Variants in DLG2 observed in about 807,000 individuals in gnomAD.
DLG2 encodes the protein disks large homolog 2.
In DLG2, 45 loss-of-function variants were observed where a neutral mutation model predicts 132.5. That is an observed-to-expected ratio of 0.34 (90% CI 0.27 to 0.44). The LOEUF (loss-of-function observed/expected upper bound fraction) is 0.44. Ranked by LOEUF, DLG2 falls within the 20% of genes least tolerant of loss-of-function variation. The probability of loss-of-function intolerance (pLI) is 1.00; values close to 1 mark genes in which losing one functional copy is unlikely to be tolerated. For missense variants in DLG2, 1,045 were observed against 1,196.9 expected (o/e 0.87, Z 1.87); for synonymous variants, 424 against 419.6 (o/e 1.01, Z -0.13).
chr11:84,523,522 T>A (rs957938390), intron 7 of DLG2, among the ~76,000 whole-genome samples: 1 of 152,200 alleles, frequency 6.6e-6, no homozygotes, highest in Admixed American at 6.5e-5. Context: ...TTTCCGATTA[T>A]CTTTGCTAAG....
At chr11:84,317,420 A>C in intron 7 of DLG2, 3 of 1,236,452 alleles carry the variant, frequency 2.4e-6, no homozygotes, top group Admixed American at 3.7e-5. Context: ...GAAGCAATCA[A>C]TGCTCCACAC....
intron 6 of DLG2, among the ~76,000 whole-genome samples, chr11:84,901,610 T>A (rs1244789989): frequency 6.6e-6 from 1 of 152,128 alleles, no homozygotes; most frequent in African/African-American, 2.4e-5. Context: ...TCTTTCAGAA[T>A]AAGAGAGTTA....
intron 18 of DLG2, among the ~76,000 whole-genome samples, chr11:83,735,052 G>C (rs2091712935): frequency 6.6e-6 from 1 of 151,934 alleles, no homozygotes; most frequent in African/African-American, 2.4e-5. Flanking sequence ...TGACATAAGT[G>C]GTGGCTTTGT....
chr11:83,811,851 G>C (rs1411332517), intron 17 of DLG2, among the ~76,000 whole-genome samples: 2 of 152,124 alleles, frequency 1.3e-5, no homozygotes, highest in Non-Finnish European at 2.9e-5. Context: ...GAGGAAACTA[G>C]TATAACAGAG....
intron 6 of DLG2, among the ~76,000 whole-genome samples, chr11:84,718,515 T>C (rs1205890970): frequency 2.0e-5 from 3 of 152,170 alleles, no homozygotes; most frequent in Admixed American, 1.3e-4. Context: ...AGAAACTTGT[T>C]TGTAAATGAA....
chr11:84,057,177 G>A (rs754811591), intron 11 of DLG2, among the ~76,000 whole-genome samples: 1 of 152,118 alleles, frequency 6.6e-6, no homozygotes, highest in Non-Finnish European at 1.5e-5. Flanking sequence ...ACCAGCTGGA[G>A]CCCCAGTGTC....
At chr11:84,770,357 A>G (rs2069109697) in intron 6 of DLG2, among the ~76,000 whole-genome samples, 1 of 152,128 alleles carries the variant, frequency 6.6e-6, no homozygotes, top group Non-Finnish European at 1.5e-5. Context: ...GGTTTGTTAT[A>G]TAGGTAAACT....
intron 11 of DLG2, among the ~76,000 whole-genome samples, chr11:83,998,633 C>T (rs2094174941): frequency 6.6e-6 from 1 of 152,086 alleles, no homozygotes; most frequent in Admixed American, 6.6e-5. Flanking sequence ...ATGGGAGAAC[C>T]CCTCAACTCT....
chr11:84,866,949 T>C (rs2084663513), intron 6 of DLG2, among the ~76,000 whole-genome samples: 1 of 152,236 alleles, frequency 6.6e-6, no homozygotes, highest in African/African-American at 2.4e-5. Context: ...GCAGGGGCCA[T>C]AGTTGTATTT....
chr11:85,274,103 G>A (rs556710567), intron 4 of DLG2, among the ~76,000 whole-genome samples: 67 of 110,196 alleles, frequency 6.1e-4, no homozygotes, highest in East Asian at 4.1e-3. Flanking sequence ...TGCGGCTGTC[G>A]TGGGGTGGGT....
chr11:85,262,918 A>G (rs1395379387), intron 4 of DLG2, among the ~76,000 whole-genome samples: 1 of 152,150 alleles, frequency 6.6e-6, no homozygotes, highest in Non-Finnish European at 1.5e-5. Flanking sequence ...TCTTTTTGAG[A>G]GTCTGAGAGT....
At chr11:84,866,392 T>C (rs1352538681) in intron 6 of DLG2, among the ~76,000 whole-genome samples, 3 of 152,210 alleles carry the variant, frequency 2.0e-5, no homozygotes, top group Admixed American at 6.5e-5. Context: ...AAAAAGCTTG[T>C]AGTAAGATTT....
At chr11:85,282,414 A>G (rs1030848990) in intron 4 of DLG2, among the ~76,000 whole-genome samples, 2 of 152,014 alleles carry the variant, frequency 1.3e-5, no homozygotes, top group African/African-American at 4.8e-5. Context: ...CATCCCAATT[A>G]CCCTGATTTA....
At chr11:83,554,990 C>G (rs1338830586) in intron 19 of DLG2, among the ~76,000 whole-genome samples, 3 of 152,190 alleles carry the variant, frequency 2.0e-5, no homozygotes, top group Non-Finnish European at 4.4e-5. Flanking sequence ...GAAATAATTA[C>G]CAGTACAACA....
chr11:84,743,743 TTTC>T (rs1380368788), intron 6 of DLG2, among the ~76,000 whole-genome samples: 1 of 138,022 alleles, frequency 7.2e-6, no homozygotes, highest in Non-Finnish European at 1.5e-5. Context: ...GAAAGAGAAT[TTTC>T]TTTTCTTTTT....
intron 7 of DLG2, among the ~76,000 whole-genome samples, chr11:84,268,673 C>A (rs551579344): frequency 1.3e-5 from 2 of 151,642 alleles, no homozygotes; most frequent in South Asian, 4.2e-4. Context: ...GAGTTAGCCA[C>A]GATGGTCTTG....
intron 3 of DLG2, among the ~76,000 whole-genome samples, chr11:85,532,011 AC>A (rs1259668065): frequency 5.9e-5 from 9 of 152,310 alleles, no homozygotes; most frequent in Non-Finnish European, 1.0e-4. Context: ...ATAATTTTAT[AC>A]CCATTATTAT....
intron 8 of DLG2, among the ~76,000 whole-genome samples, chr11:84,221,544 T>C (rs549855754): frequency 6.6e-6 from 1 of 152,198 alleles, no homozygotes. Context: ...GCAAAGTTTC[T>C]TTGTTTCCTC....
At chr11:85,141,527 T>G (rs751907072) in intron 5 of DLG2, among the ~76,000 whole-genome samples, 16 of 151,932 alleles carry the variant, frequency 1.1e-4, no homozygotes, top group Non-Finnish European at 2.2e-4. Context: ...TTGTTGATTA[T>G]TTCCTTTGCT....
Sources: allele counts gnomAD v4.1 joint callset (sites outside exome capture counted in the v4.1 genomes callset), GRCh38; gene constraint gnomAD v4.1.1; transcripts MANE v1.5; gene names NCBI Gene and HGNC (gene_info 2026-07-23, HGNC 2026-07-21).